The following FAM227B variants were observed in gnomAD, a reference collection of about 807,000 sequenced individuals.
FAM227B encodes protein FAM227B.
Under a neutral mutation model 73.8 loss-of-function variants are expected in FAM227B, and 88 were observed. The ratio of observed to expected loss-of-function variants is 1.19; its 90% CI spans 1.00 to 1.42. The LOEUF is 1.42. FAM227B is among the 40% of genes most tolerant of loss of function. The probability of loss-of-function intolerance (pLI) is 0.00; values close to 1 mark genes in which losing one functional copy is unlikely to be tolerated. For missense variants in FAM227B, 632 were observed against 590.9 expected (o/e 1.07, Z -0.72); for synonymous variants, 210 against 190.5 (o/e 1.10, Z -0.84).
At chr15:49,439,330 G>A (rs1567277121) in intron 11 of FAM227B, among the ~76,000 whole-genome samples, 1 of 151,650 alleles carries the variant, frequency 6.6e-6, no homozygotes, top group Non-Finnish European at 1.5e-5. Flanking sequence ...GAGGCAGAGA[G>A]AGAGAGAATC....
chr15:49,477,893 T>C (rs1597450868), intron 11 of FAM227B, among the ~76,000 whole-genome samples: 2 of 152,220 alleles, frequency 1.3e-5, no homozygotes, highest in Non-Finnish European at 2.9e-5. Context: ...AGGTATCTCA[T>C]TGTTGTTTTA....
intron 11 of FAM227B, among the ~76,000 whole-genome samples, chr15:49,452,378 A>G (rs2052836723): frequency 6.6e-6 from 1 of 152,078 alleles, no homozygotes. Flanking sequence ...AATGCCAGTT[A>G]CCTTACTATT....
intron 3 of FAM227B, among the ~76,000 whole-genome samples, chr15:49,596,704 C>T (rs1175286562): frequency 6.6e-6 from 1 of 151,832 alleles, no homozygotes; most frequent in African/African-American, 2.4e-5. Flanking sequence ...TTCATCAACC[C>T]AGTATCTGTT....
chr15:49,436,441 G>C (rs890660705), intron 11 of FAM227B, among the ~76,000 whole-genome samples: 5 of 151,524 alleles, frequency 3.3e-5, no homozygotes, highest in Admixed American at 2.0e-4. Flanking sequence ...CTAAAAGACT[G>C]TGTAGAGGAA....
chr15:49,583,163 T>A (rs973896901), intron 5 of FAM227B, among the ~76,000 whole-genome samples: 5 of 145,714 alleles, frequency 3.4e-5, no homozygotes, highest in Non-Finnish European at 6.0e-5. Context: ...ACAAAAAAAA[T>A]TGAGAAGATC....
chr15:49,525,215 T>C (rs2060073739), intron 10 of FAM227B, among the ~76,000 whole-genome samples: 1 of 152,116 alleles, frequency 6.6e-6, no homozygotes, highest in Non-Finnish European at 1.5e-5. Flanking sequence ...GGGAGGTAAT[T>C]GAATCATGGG....
intron 11 of FAM227B, among the ~76,000 whole-genome samples, chr15:49,396,697 C>T (rs1383904392): frequency 2.5e-4 from 38 of 150,994 alleles, no homozygotes; most frequent in South Asian, 4.2e-4. Context: ...CCCCTGACCC[C>T]CGAGCAGCCT....
At chr15:49,465,950 T>G (rs1450001141) in intron 11 of FAM227B, among the ~76,000 whole-genome samples, 1 of 152,178 alleles carries the variant, frequency 6.6e-6, no homozygotes, top group Non-Finnish European at 1.5e-5. Context: ...TACCAAGTAC[T>G]GGGGGTTAGC....
At chr15:49,411,090 A>C (rs2048846114) in intron 11 of FAM227B, among the ~76,000 whole-genome samples, 1 of 151,794 alleles carries the variant, frequency 6.6e-6, no homozygotes, top group South Asian at 2.1e-4. Context: ...GTGGAAAATA[A>C]AAATGCAGAG....
chr15:49,610,838 G>A (rs894140498), intron 3 of FAM227B, among the ~76,000 whole-genome samples: 1 of 152,100 alleles, frequency 6.6e-6, no homozygotes, highest in Non-Finnish European at 1.5e-5. Flanking sequence ...AATAATCAAG[G>A]AATATTGATG....
chr15:49,546,350 G>T (rs1354822479), intron 9 of FAM227B, among the ~76,000 whole-genome samples: 1 of 152,132 alleles, frequency 6.6e-6, no homozygotes, highest in African/African-American at 2.4e-5. Context: ...TCTTAATCCA[G>T]TCTATCGTTG....
At chr15:49,429,426 T>C (rs2050400821) in intron 11 of FAM227B, among the ~76,000 whole-genome samples, 1 of 152,014 alleles carries the variant, frequency 6.6e-6, no homozygotes, top group Non-Finnish European at 1.5e-5. Flanking sequence ...AATAAGTTCA[T>C]TCATTGCCAC....
At chr15:49,347,165 T>C (rs2041628314) in intron 13 of FAM227B, among the ~76,000 whole-genome samples, 1 of 152,206 alleles carries the variant, frequency 6.6e-6, no homozygotes, top group African/African-American at 2.4e-5. Context: ...GGAAGGGCTA[T>C]TGAAAACATT....
intron 14 of FAM227B, among the ~76,000 whole-genome samples, chr15:49,333,177 A>G (rs1596232688): frequency 1.3e-5 from 2 of 152,286 alleles, no homozygotes; most frequent in African/African-American, 4.8e-5. Flanking sequence ...GATATGTTAC[A>G]TACCATAAAA....
At chr15:49,592,038 T>A (rs2076611514) in intron 3 of FAM227B, among the ~76,000 whole-genome samples, 1 of 152,214 alleles carries the variant, frequency 6.6e-6, no homozygotes, top group African/African-American at 2.4e-5. Context: ...TTTAAGCCCT[T>A]CTCTCCACTG....
chr15:49,462,592 T>C (rs1017056259), intron 11 of FAM227B, among the ~76,000 whole-genome samples: 1 of 152,186 alleles, frequency 6.6e-6, no homozygotes. Flanking sequence ...AACTGGAAAG[T>C]ATAGAGTAGG....
At chr15:49,474,193 A>G (rs2055038596) in intron 11 of FAM227B, among the ~76,000 whole-genome samples, 1 of 152,198 alleles carries the variant, frequency 6.6e-6, no homozygotes. Context: ...GTCTTAGGCT[A>G]TCTATATCAG....
intron 11 of FAM227B, among the ~76,000 whole-genome samples, chr15:49,482,980 C>G (rs3985839): frequency 6.6e-6 from 1 of 152,154 alleles, no homozygotes; most frequent in African/African-American, 2.4e-5. Context: ...TAATGACTAT[C>G]TTGGTGTTTG....
At chr15:49,541,477 T>C (rs1431363541) in intron 10 of FAM227B, among the ~76,000 whole-genome samples, 2 of 152,148 alleles carry the variant, frequency 1.3e-5, no homozygotes, top group African/African-American at 4.8e-5. Context: ...TATTTGGCTC[T>C]AAATTTAATA....
Sources: gnomAD v4.1 joint callset for allele counts (sites outside exome capture counted in the v4.1 genomes callset) on GRCh38, gnomAD v4.1.1 for gene constraint, MANE v1.5 for transcripts, NCBI Gene and HGNC (gene_info 2026-07-23, HGNC 2026-07-21) for gene names.